ARHGEF12: variants seen among roughly 807,000 people sequenced by gnomAD.
ARHGEF12 encodes Rho guanine nucleotide exchange factor 12, also known as KMT2A/ARHGEF12 fusion protein.
In ARHGEF12, 66 loss-of-function variants were observed where a neutral mutation model predicts 211.2. The observed-to-expected ratio is 0.31, with a 90% CI of 0.26 to 0.38. The LOEUF (loss-of-function observed/expected upper bound fraction) is 0.38. Among genes scored for constraint, ARHGEF12 ranks in the 10% least tolerant of loss-of-function variants. ARHGEF12 has a pLI of 1.00. For synonymous variants in ARHGEF12, 592 were observed against 638.4 expected (o/e 0.93, Z 1.09); for missense variants, 1,429 against 1,869.5 (o/e 0.76, Z 4.34).
At chr11:120,482,548 A>G (rs1265180346) in intron 39 of ARHGEF12, among the ~76,000 whole-genome samples, 2 of 152,120 alleles carry the variant, frequency 1.3e-5, no homozygotes, top group African/African-American at 4.8e-5. Flanking sequence ...GATCGAGACC[A>G]TCCTTGCTAA....
intron 1 of ARHGEF12, among the ~76,000 whole-genome samples, chr11:120,394,796 G>A (rs918227449): frequency 1.3e-5 from 2 of 151,590 alleles, no homozygotes. Flanking sequence ...TGTGGCTCAC[G>A]CCTGTAATCC....
At chr11:120,393,987 T>C (rs1301338182) in intron 1 of ARHGEF12, among the ~76,000 whole-genome samples, 1 of 152,150 alleles carries the variant, frequency 6.6e-6, no homozygotes, top group Non-Finnish European at 1.5e-5. Context: ...CTGGTCACCA[T>C]GGACTGAAAT....
At chr11:120,361,804 A>G (rs930526926) in intron 1 of ARHGEF12, among the ~76,000 whole-genome samples, 5 of 152,370 alleles carry the variant, frequency 3.3e-5, no homozygotes, top group Admixed American at 2.0e-4. Flanking sequence ...GGTTGTTCAC[A>G]TAAGTAGATA....
At position 120,339,655 on chromosome 11, in the gene ARHGEF12, G is replaced by T. The variant is rs556243597; in HGVS notation, c.32+2380G>T. On this transcript the variant is annotated intron_variant, in intron 1 of 40. Transcript: ENST00000397843. ...TTTCATTGTGGTGCTTCTGACTACA[G>T]AGTCTGTCTGTCCTCAGTTGAAATC... is the stretch of plus-strand genomic sequence containing the variant. Among the ~76,000 whole-genome samples the T allele has an allele frequency of 9.2e-5, 14 of 152,342 alleles. No individual in the cohort carries two copies. The South Asian group carries it at 1.0e-3, about 11-fold the overall frequency.
chr11:120,359,391 G>T (rs1943218302), intron 1 of ARHGEF12, among the ~76,000 whole-genome samples: 1 of 151,932 alleles, frequency 6.6e-6, no homozygotes, highest in African/African-American at 2.4e-5. Flanking sequence ...TCAGCTAATT[G>T]TATTTTATTT....
intron 1 of ARHGEF12, among the ~76,000 whole-genome samples, chr11:120,348,911 C>T (rs1204171892): frequency 6.6e-6 from 1 of 152,138 alleles, no homozygotes; most frequent in Non-Finnish European, 1.5e-5. Context: ...TTAATGAATT[C>T]TGTGTTTAGA....
intron 31 of ARHGEF12, 59 bp from the exon 32 acceptor site, chr11:120,474,501 A>C: frequency 8.3e-7 from 1 of 1,203,838 alleles, no homozygotes; most frequent in Middle Eastern, 2.2e-4. Flanking sequence ...TATTATATAG[A>C]TAATCATGTT....
At chr11:120,439,841 T>C in intron 12 of ARHGEF12, 1 of 271,830 alleles carries the variant, frequency 3.7e-6, no homozygotes, top group Non-Finnish European at 6.8e-6. Flanking sequence ...AGTGTTAAAG[T>C]CAGATAACCA....
At chr11:120,442,358 T>A (rs74236021) in intron 15 of ARHGEF12, among the ~76,000 whole-genome samples, 156 bp downstream of exon 15, 4 of 150,478 alleles carry the variant, frequency 2.7e-5, no homozygotes, top group Non-Finnish European at 4.4e-5. Flanking sequence ...TTTTTTTTTT[T>A]ATCATTTCTA....
At chr11:120,477,004 T>A in intron 34 of ARHGEF12, 1 of 597,816 alleles carries the variant, frequency 1.7e-6, no homozygotes, top group Non-Finnish European at 2.9e-6. Context: ...GTCCATAGAT[T>A]TCTCTTAAGG....
At chr11:120,430,324 A>G (rs571463321) in intron 10 of ARHGEF12, among the ~76,000 whole-genome samples, 1 of 152,296 alleles carries the variant, frequency 6.6e-6, no homozygotes, top group East Asian at 1.9e-4. Context: ...AGAGAGAGTT[A>G]GAGAGATTAA....
chr11:120,481,241 A>G lies in ARHGEF12; in HGVS notation c.4238-19A>G. On this transcript the variant is annotated intron_variant, in intron 38 of 40. Transcript: ENST00000397843. The stretch of plus-strand genomic sequence containing the variant: ...ATGGCAGCACTGGTCTTATCAAACT[A>G]TTCTGTCTCTATCCATAGGAAACTA... The G allele has an allele frequency of 1.9e-6, 3 of 1,609,024 alleles. No individual in the cohort carries two copies. Among genetic ancestry groups the G allele is most frequent in the South Asian group, 2.2e-5 (2 of 90,954 alleles).
Position 120,457,997 on chromosome 11 carries a change from A to G in ARHGEF12, c.2226-83A>G, listed in dbSNP as rs1056086740. On this transcript the variant is annotated intron_variant, in intron 24 of 40. Coordinates refer to ENST00000397843, the MANE Select transcript of ARHGEF12 (RefSeq NM_015313.3). Reference sequence around the variant, plus strand: ...AGTCAGATTCAGGAATCTGATTAGAATTTATTGTAATATAAAGATTTGTGC... The same window carrying G: ...AGTCAGATTCAGGAATCTGATTAGAGTTTATTGTAATATAAAGATTTGTGC... The G allele has an allele frequency of 3.4e-6, 5 of 1,466,662 alleles. No individual in the cohort carries two copies. The African/African-American group carries it at 5.8e-5, about 17-fold the overall frequency. The allele number at this position is 1,466,662 out of a possible 1,614,324, so 90.9% of individuals were successfully genotyped here.
intron 28 of ARHGEF12, among the ~76,000 whole-genome samples, chr11:120,466,200 G>A (rs1235080324): frequency 6.6e-6 from 1 of 152,258 alleles, no homozygotes; most frequent in African/African-American, 2.4e-5. Context: ...AGCGGGAGCT[G>A]CAGTTTTCAT....
chr11:120,458,409 T>C, intron 25 of ARHGEF12, 175 bp downstream of exon 25: 1 of 598,736 alleles, frequency 1.7e-6, no homozygotes. Flanking sequence ...AATGTTTCTC[T>C]GATTCTTATT....
rs528192049 is a variant in ARHGEF12 at position 120,373,175 on chromosome 11, CT to C, written c.33-32939del. 1.0e-3 allele frequency among the ~76,000 whole-genome samples: 155 copies of C among 152,214 alleles called. 4 individuals are homozygous for C. In the East Asian group the frequency reaches 0.012, roughly 11 times the overall value. On this transcript the variant is annotated intron_variant, in intron 1 of 40. Coordinates refer to ENST00000397843, the MANE Select transcript of ARHGEF12 (RefSeq NM_015313.3). ...TAATAAAATACAGTTTAGATTAATC[CT>C]TTTCAACCATATAAGATATAAAGTG...
At chr11:120,476,629 G>T (rs1181600373) in intron 33 of ARHGEF12, 32 bp from the exon 34 acceptor site, 1 of 1,576,710 alleles carries the variant, frequency 6.3e-7, no homozygotes, top group East Asian at 2.2e-5. Flanking sequence ...CCAGGTCATA[G>T]TATTAGAGTA....
chr11:120,470,403 C>T (rs1425819323), intron 30 of ARHGEF12, among the ~76,000 whole-genome samples: 1 of 152,122 alleles, frequency 6.6e-6, no homozygotes, highest in Non-Finnish European at 1.5e-5. Flanking sequence ...AAGAATAAAC[C>T]CCCAGGTTTC....
chr11:120,472,470 G>C (rs1457941005), intron 30 of ARHGEF12, among the ~76,000 whole-genome samples: 1 of 152,096 alleles, frequency 6.6e-6, no homozygotes, highest in Non-Finnish European at 1.5e-5. Context: ...ATTTTGTACT[G>C]TGTGCATGAT....
Sources: allele counts gnomAD v4.1 joint callset (sites outside exome capture counted in the v4.1 genomes callset), GRCh38; gene constraint gnomAD v4.1.1; transcripts MANE v1.5; gene names NCBI Gene and HGNC (gene_info 2026-07-23, HGNC 2026-07-21).